Variants in TP53I13 observed in about 807,000 individuals in gnomAD.
TP53I13 encodes tumor protein p53-inducible protein 13.
In TP53I13, 27 loss-of-function variants were observed where a neutral mutation model predicts 39.1. That is an observed-to-expected ratio of 0.69 (90% CI 0.51 to 0.95). The LOEUF is 0.95. Among genes scored for constraint, TP53I13 ranks in the 40% least tolerant of loss-of-function variants. The pLI is 0.00. For missense variants in TP53I13, 544 were observed against 520.4 expected (o/e 1.05, Z -0.44); for synonymous variants, 230 against 224.6 (o/e 1.02, Z -0.22).
chr17:29,567,934 A>T (rs1291199238), upstream of TP53I13: 1 of 151,908 alleles, frequency 6.6e-6, no homozygotes, highest in Non-Finnish European at 1.5e-5. This position sits in a 1 kb window ranked among gnomAD's most constrained non-coding sequence, Gnocchi z 6.6. Flanking sequence ...AGGGAACCAG[A>T]ACCAGCGCCC....
At chr17:29,575,928 C>A, downstream of TP53I13, 1 of 1,574,428 alleles carries the variant, frequency 6.4e-7, no homozygotes, top group South Asian at 1.1e-5. The surrounding 1 kb of genome is among the most constrained non-coding windows in gnomAD (Gnocchi z 5.5). Flanking sequence ...TGGATGGAGT[C>A]AGTGTGCCCC....
chr17:29,573,224 G>A (rs1022230747), downstream of TP53I13: 2 of 303,892 alleles, frequency 6.6e-6, no homozygotes, highest in African/African-American at 4.4e-5. Flanking sequence ...CTAGGCCATG[G>A]AGGTGGTGTT....
chr17:29,569,969 G>A (rs2032863641), intron 3 of TP53I13: 1 of 151,934 alleles, frequency 6.6e-6, no homozygotes, highest in Non-Finnish European at 1.5e-5. Flanking sequence ...CCAGGCTGGA[G>A]TGCAGTGGCA....
intron 4 of TP53I13, 46 bp downstream of exon 4, chr17:29,571,765 A>G (rs2032935308): frequency 2.5e-6 from 4 of 1,613,776 alleles, no homozygotes; most frequent in Admixed American, 1.7e-5. Flanking sequence ...GCAGAAGGCT[A>G]TGGCCCCGTG....
downstream of TP53I13, chr17:29,575,190 T>A (rs746510074): frequency 1.9e-6 from 3 of 1,561,446 alleles, no homozygotes; most frequent in South Asian, 3.5e-5. The surrounding 1 kb of genome is among the most constrained non-coding windows in gnomAD (Gnocchi z 5.5). Flanking sequence ...CAAGGGAGGT[T>A]CCCAGGGACA....
downstream of TP53I13, chr17:29,575,459 T>C (rs371029193): frequency 1.1e-5 from 18 of 1,606,280 alleles, no homozygotes; most frequent in Non-Finnish European, 1.5e-5. The surrounding 1 kb of genome is among the most constrained non-coding windows in gnomAD (Gnocchi z 5.5). Flanking sequence ...TAGAAACCTC[T>C]TCCCTTCCAG....
In TP53I13 at chr17:29,572,517, C is replaced by A; in HGVS notation, c.889C>A (p.Pro297Thr). 6.2e-7 allele frequency: 1 copy of A among 1,606,470 alleles called. No individual in the cohort carries two copies. The highest frequency in any genetic ancestry group is 8.5e-7 in the Non-Finnish European group (1 of 1,176,978). ...ASPAPRAAAPPRAARGPTPRT... is the reference protein window; with the variant it reads ...ASPAPRAAAPTRAARGPTPRT... ...CCCGGCCCCTCGCGCAGCAGCGCCT[C>A]CACGGGCAGCCCGGGGCCCCACCCC... The change falls in exon 6 of 7, where the codon CCA becomes ACA. Residue 297 changes from proline (P) to threonine (T), a missense_variant. Transcript: ENST00000301057.
At chr17:29,572,733 C>T (rs942651361) in intron 6 of TP53I13, 36 bp downstream of exon 6, 21 of 1,495,224 alleles carry the variant, frequency 1.4e-5, no homozygotes, top group East Asian at 2.5e-5. Context: ...CCGAGGCCCC[C>T]GCCCCACCTC....
chr17:29,578,213 C>A, the TP53I13 span: 1 of 1,115,236 alleles, frequency 9.0e-7, no homozygotes, highest in South Asian at 1.2e-5. Context: ...ACCCCAGGCA[C>A]CCCTTCTTAG....
chr17:29,572,447 C>CGGGCA lies in TP53I13; in HGVS notation c.820_824dup (p.Ser277LysfsTer43). The stretch of plus-strand genomic sequence containing the variant: ...CCAGGACAGAGGCTCAGGTGCCCAA[C>CGGGCA]GGGCAAGGCAGCCCAGGGGGCTGTG... On this transcript the variant is annotated frameshift_variant, in exon 6 of 7. Transcript: ENST00000301057. LOFTEE classifies it high-confidence loss of function. The CGGGCA allele has an allele frequency of 6.3e-7, 1 of 1,576,966 alleles. No individual in the cohort carries two copies. The highest frequency in any genetic ancestry group is 8.6e-7 in the Non-Finnish European group (1 of 1,158,606).
the TP53I13 span, among the ~76,000 whole-genome samples, chr17:29,579,816 A>T: frequency 6.6e-6 from 1 of 152,038 alleles, no homozygotes; most frequent in Admixed American, 6.6e-5. Context: ...TTTCCAGGAG[A>T]GATAACCAAG....
chr17:29,576,447 G>C (rs773786568), downstream of TP53I13: 1 of 1,612,584 alleles, frequency 6.2e-7, no homozygotes, highest in Admixed American at 1.7e-5. Flanking sequence ...TGCAGCTTGT[G>C]GATCTATGGG....
At chr17:29,581,277 G>A in the TP53I13 span, 80 of 1,290,798 alleles carry the variant, frequency 6.2e-5, no homozygotes, top group East Asian at 8.8e-4. This position sits in a 1 kb window ranked among gnomAD's most constrained non-coding sequence, Gnocchi z 4.8. Flanking sequence ...GGAGCTCTGG[G>A]GGTCAGCCAC....
upstream of TP53I13, chr17:29,566,412 G>A (rs1287013228): frequency 1.2e-6 from 2 of 1,611,986 alleles, no homozygotes; most frequent in African/African-American, 1.3e-5. Flanking sequence ...CCGGGTAGTA[G>A]CCGCGCTCCA....
At chr17:29,581,358 G>GT in the TP53I13 span, 1 of 1,612,712 alleles carries the variant, frequency 6.2e-7, no homozygotes, top group South Asian at 1.1e-5. The surrounding 1 kb of genome is among the most constrained non-coding windows in gnomAD (Gnocchi z 4.8). Context: ...TCTGTGGGAT[G>GT]ATGTAATGCC....
Position 29,569,356 on chromosome 17 carries a change from G to A in TP53I13, c.180G>A (p.Gly60=), listed in dbSNP as rs1000200591. 1.2e-6 allele frequency: 2 copies of A among 1,613,608 alleles called. No homozygotes were observed. Among genetic ancestry groups the A allele is most frequent in the Admixed American group, 1.7e-5 (1 of 59,950 alleles). The change falls in exon 3 of 7, where the codon GGG becomes GGA. Residue 60 remains glycine, a synonymous_variant. Transcript: ENST00000301057. ...TGACCTACACACGAGTGAGCCCAGG[G>A]CAGGTGAGTACAAGCAGGGGCCCAC... ...PRVTYTRVSP[G]QAEDVTFLYH...
the TP53I13 span, chr17:29,581,291 C>G: frequency 6.7e-7 from 1 of 1,488,884 alleles, no homozygotes; most frequent in Non-Finnish European, 9.4e-7. This position sits in a 1 kb window ranked among gnomAD's most constrained non-coding sequence, Gnocchi z 4.8. Context: ...CAGCCACCCA[C>G]ATGGCATCCA....
Position 29,569,012 on chromosome 17 carries a change from C to T in TP53I13, c.73-6C>T. 6.2e-7 allele frequency: 1 copy of T among 1,608,924 alleles called. No homozygotes were observed. Among genetic ancestry groups the T allele is most frequent in the Non-Finnish European group, 8.5e-7 (1 of 1,178,526 alleles). ...AGCGCCCCAACTCTTCGCTTTGGAC[C>T]CACAGGTGATGGCTGGACCGGCGGA... is the stretch of plus-strand genomic sequence containing the variant. On this transcript the variant is annotated splice_region_variant and splice_polypyrimidine_tract_variant and intron_variant, in intron 1 of 6. Transcript: ENST00000301057.
chr17:29,576,744 T>A, downstream of TP53I13: 2 of 1,599,288 alleles, frequency 1.3e-6, no homozygotes, highest in Non-Finnish European at 1.7e-6. Flanking sequence ...GGGCAGTTAT[T>A]GAGGCTAGGA....
Sources: allele counts gnomAD v4.1 joint callset (sites outside exome capture counted in the v4.1 genomes callset), GRCh38; gene constraint gnomAD v4.1.1; non-coding constraint Gnocchi (gnomAD v3.1); transcripts MANE v1.5; gene names NCBI Gene and HGNC (gene_info 2026-07-23, HGNC 2026-07-21).